KCNH8: variants seen among roughly 807,000 people sequenced by gnomAD.
KCNH8 encodes the protein voltage-gated delayed rectifier potassium channel KCNH8.
In KCNH8, 70 loss-of-function variants were observed where a neutral mutation model predicts 103.6. The observed-to-expected ratio is 0.68, with a 90% CI of 0.56 to 0.82. KCNH8 has a LOEUF of 0.82. KCNH8 is among the 40% of genes least tolerant of loss of function. The pLI is 0.00. For synonymous variants in KCNH8, 498 were observed against 489.4 expected, an observed-to-expected ratio of 1.02 and a Z score of -0.23; for missense variants, 1,217 against 1,329.9, an observed-to-expected ratio of 0.92 and a Z score of 1.32.
intron 3 of KCNH8, among the ~76,000 whole-genome samples, chr3:19,293,282 G>A (rs2064954926): frequency 6.6e-6 from 1 of 152,048 alleles, no homozygotes; most frequent in South Asian, 2.1e-4. Flanking sequence ...GGAAACAAGT[G>A]AGACGAAACT....
chr3:19,253,686 G>T lies in KCNH8; in HGVS notation c.109G>T (p.Ala37Ser). The T allele has an allele frequency of 6.2e-7, 1 of 1,613,512 alleles. No individual in the cohort carries two copies. Among genetic ancestry groups the T allele is most frequent in the Non-Finnish European group, 8.5e-7 (1 of 1,179,836 alleles). ...SNFILANAQV[A>S]KGFPIVYCSD... ...CTTCATCCTTGCCAATGCCCAGGTGGCTAAGGGTTTCCCCATAGTCTACTG... is the reference window on the plus strand; with the variant it reads ...CTTCATCCTTGCCAATGCCCAGGTGTCTAAGGGTTTCCCCATAGTCTACTG... The change falls in exon 2 of 16, where the codon GCT (alanine) becomes TCT (serine). Residue 37 changes from alanine (A) to serine (S), a missense_variant. Transcript: ENST00000328405.
At chr3:19,327,376 G>A (rs1167890372) in intron 3 of KCNH8, among the ~76,000 whole-genome samples, 5 of 152,218 alleles carry the variant, frequency 3.3e-5, no homozygotes, top group South Asian at 4.1e-4. Flanking sequence ...TGCAGCCTTC[G>A]TCTCCTAGGT....
At chr3:19,151,658 G>T (rs2063131734) in intron 1 of KCNH8, among the ~76,000 whole-genome samples, 1 of 151,920 alleles carries the variant, frequency 6.6e-6, no homozygotes, top group Admixed American at 6.6e-5. Context: ...TATCAGTTGA[G>T]ATATTATCAC....
At chr3:19,318,849 G>A (rs988023177) in intron 3 of KCNH8, among the ~76,000 whole-genome samples, 2 of 151,364 alleles carry the variant, frequency 1.3e-5, no homozygotes, top group South Asian at 4.2e-4. Context: ...GGCTATTCTT[G>A]CAGGAGTGAG....
intron 1 of KCNH8, among the ~76,000 whole-genome samples, chr3:19,198,788 T>C (rs76696860): frequency 0.063 from 9,626 of 152,142 alleles, 1,059 homozygotes; most frequent in African/African-American, 0.22. Flanking sequence ...TCTAGGGTAT[T>C]TCTTAGAATG....
At chr3:19,323,276 C>T (rs753598433) in intron 3 of KCNH8, among the ~76,000 whole-genome samples, 5 of 151,844 alleles carry the variant, frequency 3.3e-5, no homozygotes, top group African/African-American at 9.7e-5. Context: ...AGTGAAACCC[C>T]GTCTCTACTA....
intron 15 of KCNH8, among the ~76,000 whole-genome samples, chr3:19,528,172 TTA>T (rs1175738732): frequency 3.9e-5 from 6 of 151,984 alleles, no homozygotes; most frequent in African/African-American, 1.5e-4. Flanking sequence ...ATGTATATTG[TTA>T]TGTTTCCTTT....
intron 11 of KCNH8, among the ~76,000 whole-genome samples, chr3:19,474,027 GATA>G (rs1455941507): frequency 3.3e-5 from 5 of 152,094 alleles, no homozygotes; most frequent in Admixed American, 1.3e-4. Context: ...GCTGTGCCAG[GATA>G]ATAACATTTC....
At chr3:19,166,296 A>G (rs1477209221) in intron 1 of KCNH8, among the ~76,000 whole-genome samples, 1 of 152,210 alleles carries the variant, frequency 6.6e-6, no homozygotes, top group Non-Finnish European at 1.5e-5. Flanking sequence ...AGTGAATGCC[A>G]TAGAATACAA....
chr3:19,209,962 A>G (rs1350023480), intron 1 of KCNH8, among the ~76,000 whole-genome samples: 1 of 152,040 alleles, frequency 6.6e-6, no homozygotes, highest in East Asian at 1.9e-4. Context: ...AACCAAGGCT[A>G]GATATTTGGC....
At chr3:19,425,891 T>C (rs2067021455) in intron 7 of KCNH8, among the ~76,000 whole-genome samples, 2 of 152,086 alleles carry the variant, frequency 1.3e-5, no homozygotes, top group South Asian at 4.1e-4. Flanking sequence ...GGAGCTGAGG[T>C]GTTGACAATT....
intron 3 of KCNH8, among the ~76,000 whole-genome samples, chr3:19,284,510 T>G (rs1312695751): frequency 9.6e-5 from 8 of 83,430 alleles, no homozygotes; most frequent in African/African-American, 2.3e-4. Flanking sequence ...GATCTGCTGG[T>G]GTGTGTGTGT....
intron 11 of KCNH8, among the ~76,000 whole-genome samples, chr3:19,504,689 A>G (rs1372365084): frequency 2.6e-5 from 4 of 152,156 alleles, no homozygotes; most frequent in Non-Finnish European, 5.9e-5. Context: ...CAGATGCTGG[A>G]AAGATTGCAG....
chr3:19,155,540 C>T (rs150717782), intron 1 of KCNH8, among the ~76,000 whole-genome samples: 12 of 152,276 alleles, frequency 7.9e-5, no homozygotes, highest in African/African-American at 2.9e-4. Flanking sequence ...TGGCTCCCTG[C>T]TGCCTTTTGG....
chr3:19,278,789 T>G (rs2064714658), intron 2 of KCNH8, among the ~76,000 whole-genome samples: 1 of 152,178 alleles, frequency 6.6e-6, no homozygotes, highest in Non-Finnish European at 1.5e-5. Flanking sequence ...AATCTCAAAG[T>G]AAACTTTCAG....
chr3:19,233,029 C>T (rs995808585), intron 1 of KCNH8, among the ~76,000 whole-genome samples: 2 of 151,730 alleles, frequency 1.3e-5, no homozygotes, highest in Admixed American at 6.6e-5. Context: ...CTACTTGTCT[C>T]TTATCCCTAC....
At chr3:19,334,993 T>C (rs1377999083) in intron 3 of KCNH8, among the ~76,000 whole-genome samples, 1 of 151,960 alleles carries the variant, frequency 6.6e-6, no homozygotes, top group Non-Finnish European at 1.5e-5. Context: ...TCTTTTTTAT[T>C]TTTCTGTATT....
At chr3:19,304,968 T>C (rs927416514) in intron 3 of KCNH8, among the ~76,000 whole-genome samples, 1 of 151,668 alleles carries the variant, frequency 6.6e-6, no homozygotes. Flanking sequence ...TTAAAAAAAA[T>C]AGAATGAAAC....
chr3:19,172,404 T>C (rs1307094107), intron 1 of KCNH8, among the ~76,000 whole-genome samples: 1 of 151,938 alleles, frequency 6.6e-6, no homozygotes, highest in Admixed American at 6.6e-5. Flanking sequence ...ACAGTAGATA[T>C]AAAAAAAAGT....
Sources: gnomAD v4.1 joint callset for allele counts (sites outside exome capture counted in the v4.1 genomes callset) on GRCh38, gnomAD v4.1.1 for gene constraint, MANE v1.5 for transcripts, NCBI Gene and HGNC (gene_info 2026-07-23, HGNC 2026-07-21) for gene names.